Variants in PIK3CD observed in about 807,000 individuals in gnomAD.
The protein encoded by PIK3CD is phosphatidylinositol-4,5-bisphosphate 3-kinase catalytic subunit delta.
In PIK3CD, 20 loss-of-function variants were observed where a neutral mutation model predicts 122.9. That is an observed-to-expected ratio of 0.16 (90% CI 0.11 to 0.24). PIK3CD has a LOEUF of 0.24. Among genes scored for constraint, PIK3CD ranks in the 10% least tolerant of loss-of-function variants. The pLI is 1.00. For missense variants in PIK3CD, 787 were observed against 1,406.3 expected (o/e 0.56, Z 7.04); for synonymous variants, 596 against 593.4 (o/e 1.00, Z -0.06).
chr1:9,644,612 G>A, the PIK3CD span, among the ~76,000 whole-genome samples: 2 of 152,140 alleles, frequency 1.3e-5, no homozygotes, highest in African/African-American at 4.8e-5. Context: ...AGAATCGGCT[G>A]CTGCCTTCCT....
At chr1:9,681,560 G>A (rs1455733960) in intron 1 of PIK3CD, among the ~76,000 whole-genome samples, 2 of 151,924 alleles carry the variant, frequency 1.3e-5, no homozygotes, top group Non-Finnish European at 2.9e-5. Context: ...GACTACAGGC[G>A]TGCGCCACTA....
At chr1:9,699,430 C>A (rs1028272075) in intron 2 of PIK3CD, among the ~76,000 whole-genome samples, 2 of 152,116 alleles carry the variant, frequency 1.3e-5, no homozygotes, top group Admixed American at 6.6e-5. Flanking sequence ...CAGGCCGCCT[C>A]AGTCCTCTGC....
At chr1:9,664,491 A>G (rs1645102345) in intron 1 of PIK3CD, among the ~76,000 whole-genome samples, 1 of 152,218 alleles carries the variant, frequency 6.6e-6, no homozygotes, top group African/African-American at 2.4e-5. Flanking sequence ...AAAGCCCTGC[A>G]CAGATACAGG....
chr1:9,711,551 G>T (rs1207604147), intron 3 of PIK3CD, among the ~76,000 whole-genome samples: 1 of 152,060 alleles, frequency 6.6e-6, no homozygotes, highest in Non-Finnish European at 1.5e-5. Flanking sequence ...CCCACGGTGG[G>T]CTTTCATCCT....
rs1647056611 is a variant in PIK3CD at position 9,711,660 on chromosome 1, A to G, written c.141+1064A>G. ...GCGATCACAGCTCACTGCAGCCTCA[A>G]TCTCCCCAGGCTTAGGTGAGCCTCT... is the stretch of plus-strand genomic sequence containing the variant. On this transcript the variant is annotated intron_variant, in intron 3 of 23. Coordinates refer to ENST00000377346, the MANE Select transcript of PIK3CD (RefSeq NM_005026.5). Among the ~76,000 whole-genome samples, 4 of 151,112 alleles carry G rather than the reference A, an allele frequency of 2.6e-5. No homozygotes were observed. The South Asian group carries it at 8.4e-4, about 32-fold the overall frequency.
At chr1:9,693,921 TG>T (rs1489948322) in intron 2 of PIK3CD, among the ~76,000 whole-genome samples, 1 of 152,012 alleles carries the variant, frequency 6.6e-6, no homozygotes, top group African/African-American at 2.4e-5. Flanking sequence ...TGAAAGAGCA[TG>T]GTAGGGTGAC....
At position 9,715,774 on chromosome 1, in the gene PIK3CD, C is replaced by G; in HGVS notation, c.370+5C>G. 6.2e-7 allele frequency: 1 copy of G among 1,613,026 alleles called. No individual in the cohort carries two copies. The highest frequency in any genetic ancestry group is 8.5e-7 in the Non-Finnish European group (1 of 1,179,918). On this transcript the variant is annotated splice_donor_5th_base_variant and intron_variant, in intron 4 of 23. Transcript: ENST00000377346. This position sits in a 1 kb window ranked among gnomAD's most constrained non-coding sequence, Gnocchi z 4.1. ...TCAGCCTCCTCATCGGCAAAGGTAG[C>G]TCTGCCGAGTGGGCCGTGTGGCCGG...
At chr1:9,725,976 C>G (rs899287175) in intron 23 of PIK3CD, among the ~76,000 whole-genome samples, 30 of 152,172 alleles carry the variant, frequency 2.0e-4, no homozygotes, top group African/African-American at 7.2e-4. Context: ...CTTTGGGAGG[C>G]TGAGGCAGGT....
upstream of PIK3CD, among the ~76,000 whole-genome samples, chr1:9,650,580 C>T (rs979949103): frequency 2.6e-5 from 4 of 151,442 alleles, no homozygotes; most frequent in South Asian, 2.1e-4. Context: ...GCCGAGATGG[C>T]ACCACTGCAT....
chr1:9,642,733 A>T, the PIK3CD span, among the ~76,000 whole-genome samples: 1 of 151,142 alleles, frequency 6.6e-6, no homozygotes, highest in Non-Finnish European at 1.5e-5. Flanking sequence ...AAAAAAAAAA[A>T]ACTTGACCCA....
rs150751510 is a variant in PIK3CD at position 9,718,649 on chromosome 1, G to T, written c.1021-45G>T. On this transcript the variant is annotated intron_variant, in intron 8 of 23. Transcript: ENST00000377346. This position sits in a 1 kb window ranked among gnomAD's most constrained non-coding sequence, Gnocchi z 7.2. ...ACACCTTAAGGGGGAGGGGAGAGGG[G>T]CTGGGCCTCTGCCTCCTCACCCATC... 3,732 of 1,557,024 alleles carry T rather than the reference G, an allele frequency of 2.4e-3. 19 individuals carry two copies. In the Middle Eastern group the frequency reaches 0.037, roughly 15 times the overall value.
At chr1:9,675,346 A>G (rs1645488831) in intron 1 of PIK3CD, among the ~76,000 whole-genome samples, 2 of 140,428 alleles carry the variant, frequency 1.4e-5, no homozygotes. Flanking sequence ...AGATTGCGCC[A>G]CTGCACTCCC....
At chr1:9,712,683 T>C (rs1164454233) in intron 3 of PIK3CD, among the ~76,000 whole-genome samples, 1 of 152,230 alleles carries the variant, frequency 6.6e-6, no homozygotes, top group Non-Finnish European at 1.5e-5. Context: ...TCCTGGAAGA[T>C]GTCTTTAAAA....
chr1:9,695,786 G>A (rs1017477782), intron 2 of PIK3CD, among the ~76,000 whole-genome samples: 2 of 150,898 alleles, frequency 1.3e-5, no homozygotes, highest in Admixed American at 1.3e-4. Context: ...AGGCTGCAGT[G>A]AGCCGAGATT....
chr1:9,676,175 C>G (rs1645530308), intron 1 of PIK3CD, among the ~76,000 whole-genome samples: 1 of 152,074 alleles, frequency 6.6e-6, no homozygotes, highest in Admixed American at 6.5e-5. Flanking sequence ...CGTGATCCAC[C>G]TGCCTTGGCA....
chr1:9,683,083 C>T lies in PIK3CD; in HGVS notation c.-137-8384C>T, dbSNP rs182762422. On this transcript the variant is annotated intron_variant, in intron 1 of 23. Coordinates refer to ENST00000377346, the MANE Select transcript of PIK3CD (RefSeq NM_005026.5). Reference sequence around the variant, plus strand: ...GGGGCTGGGTCTCGCTAAGATGGCACCACTGCATGCCAGCCTGGGTGACAA... The same window carrying T: ...GGGGCTGGGTCTCGCTAAGATGGCATCACTGCATGCCAGCCTGGGTGACAA... Among the ~76,000 whole-genome samples, 3 of 145,468 alleles carry T rather than the reference C, an allele frequency of 2.1e-5. No individual in the cohort carries two copies. In the South Asian group the frequency reaches 6.6e-4, roughly 32 times the overall value.
chr1:9,699,666 G>C (rs1454729297), intron 2 of PIK3CD, among the ~76,000 whole-genome samples: 1 of 151,118 alleles, frequency 6.6e-6, no homozygotes, highest in Non-Finnish European at 1.5e-5. Flanking sequence ...GTGCAATCTT[G>C]GCTCACTGCA....
rs79505293 is a variant in PIK3CD at position 9,678,098 on chromosome 1, C to G, written c.-137-13369C>G. On this transcript the variant is annotated intron_variant, in intron 1 of 23. Transcript: ENST00000377346. Reference sequence around the variant, plus strand: ...GGCGGAGGTTGCAGTGAGCCAAGATCGCGCCATTGCAGTCTAGCCTGTGCA... The same window carrying G: ...GGCGGAGGTTGCAGTGAGCCAAGATGGCGCCATTGCAGTCTAGCCTGTGCA... Among the ~76,000 whole-genome samples the G allele has an allele frequency of 2.0e-5, 3 of 149,934 alleles. No individual in the cohort carries two copies. In the Admixed American group the frequency reaches 2.0e-4, roughly 10 times the overall value.
At chr1:9,649,853 C>T (rs1366710177), upstream of PIK3CD, among the ~76,000 whole-genome samples, 1 of 152,206 alleles carries the variant, frequency 6.6e-6, no homozygotes, top group Non-Finnish European at 1.5e-5. Context: ...TGCTGTCAAC[C>T]CAGGGCTGAG....
Sources: allele counts gnomAD v4.1 joint callset (sites outside exome capture counted in the v4.1 genomes callset), GRCh38; gene constraint gnomAD v4.1.1; non-coding constraint Gnocchi (gnomAD v3.1); transcripts MANE v1.5; gene names NCBI Gene and HGNC (gene_info 2026-07-23, HGNC 2026-07-21).